The following IKZF3 variants were observed in gnomAD, a reference collection of about 807,000 sequenced individuals.
IKZF3 encodes the protein IKAROS family zinc finger 3.
A neutral mutation model predicts 49.0 loss-of-function variants in IKZF3; 10 were observed. That is an observed-to-expected ratio of 0.20 (90% CI 0.13 to 0.35). The LOEUF (loss-of-function observed/expected upper bound fraction) is 0.35. Ranked by LOEUF, IKZF3 falls within the 10% of genes least tolerant of loss-of-function variation. IKZF3 has a pLI of 1.00. For synonymous variants in IKZF3, 209 were observed against 228.2 expected (o/e 0.92, Z 0.76); for missense variants, 498 against 664.8 (o/e 0.75, Z 2.76).
intron 3 of IKZF3, among the ~76,000 whole-genome samples, chr17:39,804,325 G>A (rs1210190119): frequency 6.6e-6 from 1 of 151,944 alleles, no homozygotes; most frequent in Non-Finnish European, 1.5e-5. Context: ...GCACGCGCCT[G>A]TAATCCCAGC....
chr17:39,803,454 C>T lies in IKZF3; in HGVS notation c.164-10521G>A, dbSNP rs570215034. On this transcript the variant is annotated intron_variant, in intron 3 of 7. Transcript: ENST00000346872. ...CTGGTAGAAACTTCATTTGTAAATCCGAAAGAAAAAAAACTTCCTTTTTCA... is the reference window on the plus strand; with the variant it reads ...CTGGTAGAAACTTCATTTGTAAATCTGAAAGAAAAAAAACTTCCTTTTTCA... Among the ~76,000 whole-genome samples, 10 of 150,626 alleles carry T rather than the reference C, an allele frequency of 6.6e-5. No individual in the cohort carries two copies. The South Asian group carries it at 1.0e-3, about 16-fold the overall frequency.
intron 3 of IKZF3, among the ~76,000 whole-genome samples, chr17:39,818,922 T>G (rs924514438): frequency 7.3e-5 from 11 of 150,850 alleles, no homozygotes; most frequent in African/African-American, 2.7e-4. Context: ...TAACTGTTTC[T>G]TTTCTCTTTC....
At chr17:39,781,744 G>A (rs1213549410) in intron 6 of IKZF3, among the ~76,000 whole-genome samples, 2 of 152,060 alleles carry the variant, frequency 1.3e-5, no homozygotes, top group African/African-American at 4.8e-5. Flanking sequence ...CTGTAATTAG[G>A]GCAGGTCACT....
rs781416005 is a variant in IKZF3, at chr17:39,766,379, T to A, written c.941A>T (p.Tyr314Phe). 6.2e-7 allele frequency: 1 copy of A among 1,614,178 alleles called. No homozygotes were observed. Among genetic ancestry groups the A allele is most frequent in the Non-Finnish European group, 8.5e-7 (1 of 1,180,022 alleles). Residue 314 changes from tyrosine to phenylalanine, a missense_variant, in exon 8 of 8, where the codon TAT (tyrosine) becomes TTT (phenylalanine). Around this residue, in one of 3 missense-constraint regions of IKZF3, gnomAD observed 317 missense variants for 397.3 expected, o/e 0.80. Transcript: ENST00000346872. Reference sequence around the variant, plus strand: ...GGGGCGCAGGGCTTCGGCGCCAAGATAGCTGATGGCGTTATTGATGGCTTG... The same window carrying A: ...GGGGCGCAGGGCTTCGGCGCCAAGAAAGCTGATGGCGTTATTGATGGCTTG... ...MDQAINNAISYLGAEALRPLV... is the reference protein window; with the variant it reads ...MDQAINNAISFLGAEALRPLV...
chr17:39,829,299 G>T (rs1213813560), intron 3 of IKZF3, 88 bp downstream of exon 3: 2 of 876,650 alleles, frequency 2.3e-6, no homozygotes, highest in Non-Finnish European at 3.7e-6. Context: ...ACAATTGCAA[G>T]TTTTCCTTGG....
intron 3 of IKZF3, among the ~76,000 whole-genome samples, chr17:39,808,503 G>A (rs2061483109): frequency 6.6e-6 from 1 of 152,094 alleles, no homozygotes; most frequent in African/African-American, 2.4e-5. Context: ...TTACTTCTTT[G>A]TTATATTTTG....
At chr17:39,813,919 CAGCGAGTGCCTA>C (rs1422986702) in intron 3 of IKZF3, among the ~76,000 whole-genome samples, 1 of 152,244 alleles carries the variant, frequency 6.6e-6, no homozygotes, top group Non-Finnish European at 1.5e-5. Context: ...GCGGGAGCCT[CAGCGAGTGCCTA>C]AGCGAGGCTG....
At chr17:39,859,575 G>A (rs893637147) in intron 1 of IKZF3, among the ~76,000 whole-genome samples, 6 of 151,444 alleles carry the variant, frequency 4.0e-5, no homozygotes, top group Non-Finnish European at 7.4e-5. Flanking sequence ...TTTTTGTAGA[G>A]TCAGGGTTTT....
At chr17:39,813,441 T>C (rs1358787415) in intron 3 of IKZF3, among the ~76,000 whole-genome samples, 1 of 151,876 alleles carries the variant, frequency 6.6e-6, no homozygotes, top group East Asian at 1.9e-4. Context: ...GTCCAAAAGT[T>C]TGAGACTAGC....
At chr17:39,839,580 GTTTC>G (rs2062404937) in intron 1 of IKZF3, 1 of 472,806 alleles carries the variant, frequency 2.1e-6, no homozygotes, top group African/African-American at 2.1e-5. Flanking sequence ...AGAGAGGACT[GTTTC>G]TTTATTTTTA....
chr17:39,771,265 A>T (rs1012584253), intron 7 of IKZF3, among the ~76,000 whole-genome samples: 1 of 152,208 alleles, frequency 6.6e-6, no homozygotes, highest in South Asian at 2.1e-4. Flanking sequence ...CTTTTTCCAC[A>T]TGGACCAGCA....
At chr17:39,835,358 C>T (rs2062242046) in intron 1 of IKZF3, 3 of 496,288 alleles carry the variant, frequency 6.0e-6, no homozygotes, top group Non-Finnish European at 1.2e-5. Context: ...GCTTGGACCC[C>T]CTGGCATTGG....
chr17:39,814,415 CTATTTGA>C (rs1415204738), intron 3 of IKZF3, among the ~76,000 whole-genome samples: 2 of 152,074 alleles, frequency 1.3e-5, no homozygotes, highest in Admixed American at 6.6e-5. Context: ...GGTATTGGGT[CTATTTGA>C]TATTTAGTTA....
At chr17:39,813,506 T>C (rs1364402668) in intron 3 of IKZF3, among the ~76,000 whole-genome samples, 1 of 151,212 alleles carries the variant, frequency 6.6e-6, no homozygotes, top group Non-Finnish European at 1.5e-5. Flanking sequence ...TAGCCATGCA[T>C]GGTGGCATGC....
chr17:39,799,144 A>C (rs970009799), intron 3 of IKZF3, among the ~76,000 whole-genome samples: 7 of 152,026 alleles, frequency 4.6e-5, no homozygotes, highest in African/African-American at 1.7e-4. Context: ...GGAGACTGGA[A>C]ATGTTCATTT....
chr17:39,828,062 C>T (rs961116515), intron 3 of IKZF3, among the ~76,000 whole-genome samples: 9 of 152,254 alleles, frequency 5.9e-5, no homozygotes, highest in African/African-American at 2.2e-4. Context: ...CCTACATTGT[C>T]ACATCAGCTT....
chr17:39,835,291 G>A, intron 1 of IKZF3: 1 of 549,948 alleles, frequency 1.8e-6, no homozygotes, highest in South Asian at 1.5e-5. Flanking sequence ...ATCAGCTCCT[G>A]GTACTTGAGC....
At chr17:39,855,248 C>T (rs2063003216) in intron 1 of IKZF3, among the ~76,000 whole-genome samples, 1 of 151,036 alleles carries the variant, frequency 6.6e-6, no homozygotes, top group African/African-American at 2.5e-5. Flanking sequence ...GCAAAAAAAA[C>T]AAGTTTTTGT....
chr17:39,823,361 G>T (rs143599169), intron 3 of IKZF3, among the ~76,000 whole-genome samples: 1 of 152,300 alleles, frequency 6.6e-6, no homozygotes, highest in East Asian at 1.9e-4. Context: ...AAGCAGCAAA[G>T]CGTTCAAGAG....
Sources: allele counts gnomAD v4.1 joint callset (sites outside exome capture counted in the v4.1 genomes callset), GRCh38; gene constraint gnomAD v4.1.1; regional missense constraint gnomAD v4.1.1; transcripts MANE v1.5; gene names NCBI Gene and HGNC (gene_info 2026-07-23, HGNC 2026-07-21).